The following SPOCK3 variants were observed in gnomAD, a reference collection of about 807,000 sequenced individuals.
SPOCK3 encodes testican-3.
SPOCK3 carries 30 observed loss-of-function variants against 56.6 expected under a neutral mutation model. The ratio of observed to expected loss-of-function variants is 0.53; its 90% CI spans 0.40 to 0.72. The LOEUF is 0.72. SPOCK3 is among the 30% of genes least tolerant of loss of function. The pLI is 0.00. For synonymous variants in SPOCK3, 196 were observed against 183.3 expected (o/e 1.07, Z -0.56); for missense variants, 527 against 530.0 (o/e 0.99, Z 0.06).
intron 3 of SPOCK3, among the ~76,000 whole-genome samples, chr4:167,030,083 TTCTATCTATCTATCTATCTATCTA>T (rs59694023): frequency 1.0e-3 from 144 of 141,480 alleles, no homozygotes; most frequent in African/African-American, 4.0e-3. Context: ...TAATGGCTCA[TTCTATCTATCTATCTATCTATCTA>T]TCTATCTATC....
intron 3 of SPOCK3, among the ~76,000 whole-genome samples, chr4:167,048,786 C>A (rs957748071): frequency 3.9e-5 from 6 of 152,090 alleles, no homozygotes; most frequent in African/African-American, 1.4e-4. Context: ...TTTATTTATT[C>A]TTCATTCATT....
At chr4:167,054,157 A>G (rs961812311) in intron 3 of SPOCK3, among the ~76,000 whole-genome samples, 1 of 152,150 alleles carries the variant, frequency 6.6e-6, no homozygotes, top group Admixed American at 6.5e-5. Flanking sequence ...ATAAAAGGTG[A>G]TCCTTGTAGA....
intron 5 of SPOCK3, among the ~76,000 whole-genome samples, chr4:166,899,863 A>G (rs891728358): frequency 5.9e-5 from 9 of 152,274 alleles, no homozygotes; most frequent in African/African-American, 2.2e-4. Context: ...TACAATGCTT[A>G]TCTCTCTAAC....
chr4:167,070,117 C>T (rs1756534262), intron 2 of SPOCK3, among the ~76,000 whole-genome samples: 1 of 151,908 alleles, frequency 6.6e-6, no homozygotes, highest in South Asian at 2.1e-4. Flanking sequence ...GTCTCAAATT[C>T]CACCCAAATA....
In SPOCK3 at chr4:166,857,924, T is replaced by C. The variant is rs115850122; in HGVS notation, c.589+31206A>G. On this transcript the variant is annotated intron_variant, in intron 6 of 10. Transcript: ENST00000357545. ...TTTCTATGTATCTTGGGGATAACAT[T>C]ACAATGGAATAAATTCTCCTCAACC... is the stretch of plus-strand genomic sequence containing the variant. Among the ~76,000 whole-genome samples the C allele has an allele frequency of 5.5e-3, 843 of 152,326 alleles. 4 individuals carry two copies. The highest frequency in any genetic ancestry group is 9.0e-3 in the Non-Finnish European group (610 of 68,030).
chr4:167,118,209 TAATCCAAAAAGTAAACAAC>T (rs1168207532), intron 2 of SPOCK3, among the ~76,000 whole-genome samples: 5 of 152,162 alleles, frequency 3.3e-5, no homozygotes, highest in Non-Finnish European at 7.4e-5. Flanking sequence ...TGATTATAAT[TAATCCAAAAAGTAAACAAC>T]CTAGATCCGG....
At chr4:166,796,912 T>C (rs908644183) in intron 6 of SPOCK3, among the ~76,000 whole-genome samples, 1 of 152,194 alleles carries the variant, frequency 6.6e-6, no homozygotes, top group African/African-American at 2.4e-5. Flanking sequence ...ATGTGATTAT[T>C]TTCTTTCAAG....
At chr4:166,791,930 T>C (rs1741404522) in intron 7 of SPOCK3, among the ~76,000 whole-genome samples, 1 of 152,218 alleles carries the variant, frequency 6.6e-6, no homozygotes, top group Non-Finnish European at 1.5e-5. Flanking sequence ...TTGTTTCTAG[T>C]CTACTGAAAG....
At chr4:166,834,533 C>A (rs536562996) in intron 6 of SPOCK3, among the ~76,000 whole-genome samples, 7 of 152,180 alleles carry the variant, frequency 4.6e-5, no homozygotes, top group African/African-American at 1.4e-4. Context: ...GTTCTTCTAG[C>A]GCTTTCTACT....
chr4:167,001,896 T>C (rs1372035918), intron 3 of SPOCK3, among the ~76,000 whole-genome samples: 5 of 152,156 alleles, frequency 3.3e-5, no homozygotes, highest in Non-Finnish European at 7.4e-5. Flanking sequence ...TTAAGCATAT[T>C]TAGTCAATAG....
intron 3 of SPOCK3, among the ~76,000 whole-genome samples, chr4:167,043,424 T>G (rs2150205323): frequency 6.6e-6 from 1 of 152,186 alleles, no homozygotes; most frequent in Non-Finnish European, 1.5e-5. Context: ...ATTTATTCCT[T>G]TTCAATCTGT....
At chr4:166,882,650 G>A (rs1020996747) in intron 6 of SPOCK3, among the ~76,000 whole-genome samples, 3 of 152,108 alleles carry the variant, frequency 2.0e-5, no homozygotes, top group Admixed American at 1.3e-4. Flanking sequence ...AACTACATAA[G>A]CTCAAAATTC....
intron 4 of SPOCK3, among the ~76,000 whole-genome samples, chr4:166,951,696 A>G: frequency 7.0e-6 from 1 of 141,944 alleles, no homozygotes; most frequent in East Asian, 2.0e-4. Context: ...AAATACTGGC[A>G]AACTGAATCC....
At chr4:167,046,721 C>G (rs1210638225) in intron 3 of SPOCK3, among the ~76,000 whole-genome samples, 3 of 151,992 alleles carry the variant, frequency 2.0e-5, no homozygotes, top group African/African-American at 4.8e-5. Context: ...TCCCAAAGTG[C>G]TAGGATTACA....
At chr4:167,116,690 CAT>C (rs1205909683) in intron 2 of SPOCK3, among the ~76,000 whole-genome samples, 4 of 84,932 alleles carry the variant, frequency 4.7e-5, no homozygotes, top group Middle Eastern at 9.4e-3. Flanking sequence ...TATATACACA[CAT>C]ATAGTATATA....
intron 6 of SPOCK3, among the ~76,000 whole-genome samples, chr4:166,859,551 A>G (rs1305758879): frequency 6.6e-6 from 1 of 152,126 alleles, no homozygotes; most frequent in Non-Finnish European, 1.5e-5. Context: ...AACAGTGACT[A>G]TTTTTAGTGC....
At chr4:167,013,689 T>C (rs1750319534) in intron 3 of SPOCK3, among the ~76,000 whole-genome samples, 1 of 151,992 alleles carries the variant, frequency 6.6e-6, no homozygotes, top group Non-Finnish European at 1.5e-5. Context: ...ATCTATGATT[T>C]AGTTAACACA....
chr4:166,867,636 A>G (rs1731979406), intron 6 of SPOCK3, among the ~76,000 whole-genome samples: 1 of 151,562 alleles, frequency 6.6e-6, no homozygotes, highest in Non-Finnish European at 1.5e-5. Flanking sequence ...AATTACAGGT[A>G]AATTATTTAA....
At chr4:166,755,073 T>G (rs1342500764) in intron 7 of SPOCK3, among the ~76,000 whole-genome samples, 2 of 152,062 alleles carry the variant, frequency 1.3e-5, no homozygotes, top group Admixed American at 1.3e-4. Flanking sequence ...ATTAGATATA[T>G]GTAAATACTA....
Sources: allele counts gnomAD v4.1 joint callset (sites outside exome capture counted in the v4.1 genomes callset), GRCh38; gene constraint gnomAD v4.1.1; transcripts MANE v1.5; gene names NCBI Gene and HGNC (gene_info 2026-07-23, HGNC 2026-07-21).